The following ACSL6 variants were observed in gnomAD, a reference collection of about 807,000 sequenced individuals.
ACSL6 encodes the protein acyl-CoA synthetase long chain family member 6.
ACSL6 carries 47 observed loss-of-function variants against 98.2 expected under a neutral mutation model. That is an observed-to-expected ratio of 0.48 (90% CI 0.38 to 0.61). The LOEUF (loss-of-function observed/expected upper bound fraction) is 0.61, where lower values mean the gene tolerates loss of function less well. Among genes scored for constraint, ACSL6 ranks in the 20% least tolerant of loss-of-function variants. The probability of loss-of-function intolerance (pLI) is 0.00; values close to 1 mark genes in which losing one functional copy is unlikely to be tolerated. For synonymous variants in ACSL6, 362 were observed against 336.9 expected, an observed-to-expected ratio of 1.07 and a Z score of -0.82; for missense variants, 761 against 913.4, an observed-to-expected ratio of 0.83 and a Z score of 2.15.
chr5:131,986,747 A>C, intron 8 of ACSL6, 75 bp downstream of exon 8: 1 of 1,561,930 alleles, frequency 6.4e-7, no homozygotes, highest in South Asian at 1.1e-5. Context: ...TGTTCTGTGC[A>C]CAGTGAGGGA....
chr5:132,001,197 G>A (rs1287589456), intron 1 of ACSL6, among the ~76,000 whole-genome samples: 1 of 152,184 alleles, frequency 6.6e-6, no homozygotes. Flanking sequence ...AGTGGTCTGT[G>A]GGAAATCCCA....
In ACSL6 at chr5:131,993,875, C is replaced by A. The variant is rs1054541936; in HGVS notation, c.270+156G>T. ...AAGGAGTGCCTGGTAGGAGACCCTG[C>A]CCAAGGCTGCTGCAGAGCTAAGTGG... On this transcript the variant is annotated intron_variant, in intron 2 of 20. Transcript: ENST00000651883. The A allele has an allele frequency of 9.5e-6, 7 of 736,842 alleles. No homozygotes were observed. In the South Asian group the frequency reaches 1.1e-4, roughly 12 times the overall value. The allele number at this position is 736,842 out of a possible 1,614,324, so 45.6% of individuals were successfully genotyped here.
At chr5:131,967,841 A>T in intron 16 of ACSL6, 99 bp downstream of exon 16, 1 of 1,090,888 alleles carries the variant, frequency 9.2e-7, no homozygotes, top group Non-Finnish European at 1.4e-6. Context: ...AAATGACTTT[A>T]TACACAAGGC....
At chr5:131,971,451 T>C (rs2149716468) in intron 14 of ACSL6, 99 bp downstream of exon 14, 1 of 1,000,096 alleles carries the variant, frequency 1.0e-6, no homozygotes, top group East Asian at 3.1e-5. Flanking sequence ...ACAAAAATCT[T>C]GTCCCCCGGT....
upstream of ACSL6, chr5:132,011,992 G>T: frequency 6.7e-7 from 1 of 1,486,734 alleles, no homozygotes; most frequent in African/African-American, 1.4e-5. The surrounding 1 kb of genome is among the most constrained non-coding windows in gnomAD (Gnocchi z 5.4). Flanking sequence ...CCACCCCGCC[G>T]CCACCCACCC....
At chr5:131,995,452 C>A (rs1754749363) in intron 1 of ACSL6, among the ~76,000 whole-genome samples, 1 of 152,124 alleles carries the variant, frequency 6.6e-6, no homozygotes, top group South Asian at 2.1e-4. Context: ...TACAGGTCTG[C>A]CAGCCCAGTG....
intron 19 of ACSL6, 199 bp from the exon 20 acceptor site, chr5:131,959,806 C>G (rs1752603438): frequency 1.7e-6 from 1 of 605,832 alleles, no homozygotes; most frequent in African/African-American, 1.9e-5. Context: ...CTGAAATGGC[C>G]AAAGGAGTGA....
At chr5:132,007,541 C>T (rs1000331249) in intron 1 of ACSL6, among the ~76,000 whole-genome samples, 1 of 152,236 alleles carries the variant, frequency 6.6e-6, no homozygotes, top group Non-Finnish European at 1.5e-5. Context: ...ACTCACAGCT[C>T]TTACAAGTTG....
intron 6 of ACSL6, 196 bp from the exon 7 acceptor site, chr5:131,988,422 G>C (rs937489111): frequency 1.5e-6 from 2 of 1,331,312 alleles, no homozygotes; most frequent in South Asian, 2.7e-5. Flanking sequence ...AGGGCAGAAG[G>C]CCATGGAACC....
intron 4 of ACSL6, 88 bp from the exon 5 acceptor site, chr5:131,989,596 T>A: frequency 1.0e-6 from 1 of 953,602 alleles, no homozygotes; most frequent in Non-Finnish European, 1.5e-6. Flanking sequence ...TTTTTTTTTT[T>A]TTTTTTTTTT....
chr5:131,968,027 C>T lies in ACSL6; in HGVS notation c.1509G>A (p.Gly503=). 6.2e-7 allele frequency: 1 copy of T among 1,613,442 alleles called. No homozygotes were observed. The highest frequency in any genetic ancestry group is 8.5e-7 in the Non-Finnish European group (1 of 1,179,550). Residue 503 remains glycine, a splice_region_variant and synonymous_variant, in exon 16 of 21, where the codon GGG becomes GGA. Transcript: ENST00000651883. ...TFTTPGDWTS[G]HVGAPLPCNH... ...TGCAGGGAAGTGGCGCCCCTACGTG[C>T]CCTGGAACACCGGAGCAAGATGGCA...
chr5:131,959,458 G>T, intron 20 of ACSL6, 78 bp downstream of exon 20: 1 of 1,475,098 alleles, frequency 6.8e-7, no homozygotes, highest in South Asian at 1.1e-5. Context: ...AGGAATCTAG[G>T]TCAGGGTCAC....
chr5:131,994,540 G>A (rs1237110885), intron 1 of ACSL6: 3 of 427,268 alleles, frequency 7.0e-6, no homozygotes, highest in Non-Finnish European at 1.3e-5. Flanking sequence ...TATTTTCCAG[G>A]GCCACTGCTC....
chr5:131,954,020 C>A lies in ACSL6; in HGVS notation c.*214G>T. On this transcript the variant is annotated 3_prime_UTR_variant, in exon 21 of 21. Transcript: ENST00000651883. The stretch of plus-strand genomic sequence containing the variant: ...ACATTGCCATTTGTGATATTTTTAG[C>A]AGTCCACCACAATATCATTTTTATA... 2.9e-6 allele frequency: 1 copy of A among 345,618 alleles called. No homozygotes were observed. The highest frequency in any genetic ancestry group is 5.1e-6 in the Non-Finnish European group (1 of 197,590). 21.4% of individuals were successfully genotyped at this position (345,618 alleles called of 1,614,324 possible).
At chr5:131,988,321 A>G in intron 6 of ACSL6, 95 bp from the exon 7 acceptor site, 5 of 1,450,798 alleles carry the variant, frequency 3.4e-6, no homozygotes, top group Non-Finnish European at 4.7e-6. Context: ...CAGCACTTCC[A>G]TGGTCTGTGT....
chr5:131,994,577 G>T, intron 1 of ACSL6: 1 of 373,456 alleles, frequency 2.7e-6, no homozygotes, highest in South Asian at 2.5e-5. Flanking sequence ...GATGCTTCCT[G>T]GACCTCAAGG....
chr5:131,990,959 G>A lies in ACSL6; in HGVS notation c.279C>T (p.Gly93=), dbSNP rs760983785. 1.1e-5 allele frequency: 18 copies of A among 1,613,770 alleles called. No individual in the cohort carries two copies. Among genetic ancestry groups the A allele is most frequent in the South Asian group, 3.3e-5 (3 of 91,070 alleles). The change falls in exon 3 of 21, where the codon GGC becomes GGT. Residue 93 remains glycine (G), a synonymous_variant. Coordinates refer to ENST00000651883, the MANE Select transcript of ACSL6 (RefSeq NM_001009185.3). ...LMQSEEVEDS[G]GARRSVIGSG... ...ACCCAATCACAGATCGCCGTGCCCC[G>A]CCACTGTCCTACAAGCCAAGCACCG...
chr5:131,968,336 A>G, intron 15 of ACSL6: 1 of 243,724 alleles, frequency 4.1e-6, no homozygotes, highest in Non-Finnish European at 7.9e-6. Context: ...CATCAAACAC[A>G]GGGTCAAGAT....
intron 1 of ACSL6, among the ~76,000 whole-genome samples, chr5:131,996,192 A>T (rs1377425273): frequency 6.6e-6 from 1 of 152,220 alleles, no homozygotes; most frequent in Non-Finnish European, 1.5e-5. Context: ...GAGCTGGGTC[A>T]GTTATGAGAC....
Sources: allele counts gnomAD v4.1 joint callset (sites outside exome capture counted in the v4.1 genomes callset), GRCh38; gene constraint gnomAD v4.1.1; non-coding constraint Gnocchi (gnomAD v3.1); transcripts MANE v1.5; gene names NCBI Gene and HGNC (gene_info 2026-07-23, HGNC 2026-07-21).